PRKCZ: variants seen among roughly 807,000 people sequenced by gnomAD.
PRKCZ encodes the protein protein kinase C zeta.
In PRKCZ, 33 loss-of-function variants were observed where a neutral mutation model predicts 79.5. The observed-to-expected ratio is 0.41, with a 90% CI of 0.31 to 0.55. PRKCZ has a LOEUF of 0.55. Among genes scored for constraint, PRKCZ ranks in the 20% least tolerant of loss-of-function variants. The pLI is 0.19. For missense variants in PRKCZ, 578 were observed against 813.5 expected, an observed-to-expected ratio of 0.71 and a Z score of 3.52; for synonymous variants, 342 against 320.9, an observed-to-expected ratio of 1.07 and a Z score of -0.70.
chr1:2,051,237 C>T (rs1246346875), intron 1 of PRKCZ, among the ~76,000 whole-genome samples: 1 of 135,092 alleles, frequency 7.4e-6, no homozygotes, highest in Non-Finnish European at 1.5e-5. Context: ...CCGAGACTGA[C>T]CCTGGGGTTT....
intron 4 of PRKCZ, among the ~76,000 whole-genome samples, chr1:2,102,073 G>A (rs1334829794): frequency 6.6e-6 from 1 of 151,956 alleles, no homozygotes; most frequent in Non-Finnish European, 1.5e-5. Flanking sequence ...TCCTTTCCCC[G>A]GTCACCGCTC....
intron 16 of PRKCZ, chr1:2,184,341 C>T (rs540313359): frequency 3.1e-5 from 14 of 448,522 alleles, no homozygotes; most frequent in African/African-American, 1.0e-4. Flanking sequence ...GATCCTGCTC[C>T]GTCCCACATG....
At chr1:2,121,673 G>T (rs1284204249) in intron 4 of PRKCZ, among the ~76,000 whole-genome samples, 1 of 133,618 alleles carries the variant, frequency 7.5e-6, no homozygotes, top group African/African-American at 3.3e-5. Context: ...GGGTCGTGGT[G>T]GTGGTTAGGG....
chr1:2,165,664 C>T lies in PRKCZ; in HGVS notation c.975-3854C>T, dbSNP rs898612914. Among the ~76,000 whole-genome samples the T allele has an allele frequency of 1.3e-5, 2 of 152,338 alleles. No homozygotes were observed. The highest frequency in any genetic ancestry group is 3.9e-4 in the East Asian group (2 of 5,180). On this transcript the variant is annotated intron_variant, in intron 10 of 17. Coordinates refer to ENST00000378567, the MANE Select transcript of PRKCZ (RefSeq NM_002744.6). This position sits in a 1 kb window ranked among gnomAD's most constrained non-coding sequence, Gnocchi z 4.1. ...CAGCCTTAGACACTGCGTGAAGGGA[C>T]GCGTGTGGCCGTGTTCCACCAGAAC...
At chr1:2,182,429 G>C (rs1374853253) in intron 16 of PRKCZ, 2 of 155,426 alleles carry the variant, frequency 1.3e-5, no homozygotes, top group Non-Finnish European at 2.9e-5. Flanking sequence ...TCATGGGCAG[G>C]GTGCATCTGT....
intron 10 of PRKCZ, among the ~76,000 whole-genome samples, chr1:2,167,339 T>C (rs1683534804): frequency 6.6e-6 from 1 of 152,226 alleles, no homozygotes; most frequent in Non-Finnish European, 1.5e-5. Context: ...TATTGATGCT[T>C]TTCTCTAGAA....
chr1:2,104,280 A>G (rs945363524), intron 4 of PRKCZ, among the ~76,000 whole-genome samples: 2 of 152,136 alleles, frequency 1.3e-5, no homozygotes, highest in Non-Finnish European at 2.9e-5. Flanking sequence ...GTCGAACATC[A>G]AAAAGGGGGT....
At chr1:2,062,163 A>G (rs1274682589) in intron 4 of PRKCZ, among the ~76,000 whole-genome samples, 1 of 152,226 alleles carries the variant, frequency 6.6e-6, no homozygotes, top group African/African-American at 2.4e-5. Flanking sequence ...AGATTTTTAA[A>G]AAAATTCTAA....
chr1:2,114,221 G>A (rs1475830560), intron 4 of PRKCZ, among the ~76,000 whole-genome samples: 6 of 149,928 alleles, frequency 4.0e-5, no homozygotes, highest in African/African-American at 1.5e-4. Context: ...ATGCAGGGCA[G>A]GTTCGTCTTG....
chr1:2,051,411 G>A (rs1479341831), intron 1 of PRKCZ, among the ~76,000 whole-genome samples: 2 of 152,248 alleles, frequency 1.3e-5, no homozygotes, highest in African/African-American at 2.4e-5. Flanking sequence ...CAGCGGAGGG[G>A]TCGCTGCCCC....
intron 10 of PRKCZ, 29 bp downstream of exon 10, chr1:2,156,121 T>G: frequency 1.3e-6 from 2 of 1,569,814 alleles, no homozygotes; most frequent in Non-Finnish European, 1.8e-6. Context: ...TTTCTGATAT[T>G]CTGCAGATTT....
chr1:2,115,990 C>T (rs1258438493), intron 4 of PRKCZ, among the ~76,000 whole-genome samples: 2 of 152,214 alleles, frequency 1.3e-5, no homozygotes, highest in Non-Finnish European at 1.5e-5. Flanking sequence ...GGCTGTGGGA[C>T]GGAAAGTTCC....
chr1:2,160,038 AAAAT>A (rs1681902213), intron 10 of PRKCZ, among the ~76,000 whole-genome samples: 1 of 152,200 alleles, frequency 6.6e-6, no homozygotes, highest in South Asian at 2.1e-4. Flanking sequence ...TCGCTGTTCT[AAAAT>A]AAAATCTCTT....
chr1:2,104,024 G>A (rs992256646), intron 4 of PRKCZ, among the ~76,000 whole-genome samples: 1 of 152,196 alleles, frequency 6.6e-6, no homozygotes, highest in African/African-American at 2.4e-5. Flanking sequence ...GCACGCAGAC[G>A]GGAGGGAGCT....
chr1:2,138,736 A>G (rs1351652077), intron 5 of PRKCZ, among the ~76,000 whole-genome samples: 4 of 152,048 alleles, frequency 2.6e-5, no homozygotes, highest in Non-Finnish European at 5.9e-5. Flanking sequence ...GGAGTTCAAG[A>G]TCCATCTGGC....
chr1:2,055,665 A>T, intron 2 of PRKCZ, 103 bp downstream of exon 2: 1 of 1,460,720 alleles, frequency 6.8e-7, no homozygotes, highest in Non-Finnish European at 9.1e-7. Flanking sequence ...GGGGAGACTT[A>T]AAGCTGTGGA....
At position 2,185,211 on chromosome 1, in the gene PRKCZ, G is replaced by A. The variant is rs975030677; in HGVS notation, c.*202G>A. The A allele has an allele frequency of 1.7e-5, 12 of 706,838 alleles. No individual in the cohort carries two copies. The highest frequency in any genetic ancestry group is 2.9e-5 in the Non-Finnish European group (11 of 384,484). The allele number at this position is 706,838 out of a possible 1,614,324, so 43.8% of individuals were successfully genotyped here. On this transcript the variant is annotated 3_prime_UTR_variant, in exon 18 of 18. Transcript: ENST00000378567. Reference sequence around the variant, plus strand: ...ACCTGGGCCCGGGCAGGCCAGCTTCGTGCTGGAGGAACTTGCTGCTGTGCC... The same window carrying A: ...ACCTGGGCCCGGGCAGGCCAGCTTCATGCTGGAGGAACTTGCTGCTGTGCC...
intron 7 of PRKCZ, 108 bp downstream of exon 7, chr1:2,146,216 G>T: frequency 8.9e-7 from 1 of 1,127,942 alleles, no homozygotes; most frequent in East Asian, 2.5e-5. Flanking sequence ...CTCTGCAGGG[G>T]TCATTGTCTT....
At position 2,125,308 on chromosome 1, in the gene PRKCZ, C is replaced by G. The variant is rs1193343095; in HGVS notation, c.335-9954C>G. ...ACTATGAAAATACTGGTCAGCCTCTCAGTCATTTCATAAAATCTTGATTTT... is the reference window on the plus strand; with the variant it reads ...ACTATGAAAATACTGGTCAGCCTCTGAGTCATTTCATAAAATCTTGATTTT... On this transcript the variant is annotated intron_variant, in intron 4 of 17. Coordinates refer to ENST00000378567, the MANE Select transcript of PRKCZ (RefSeq NM_002744.6). This position sits in a 1 kb window ranked among gnomAD's most constrained non-coding sequence, Gnocchi z 4.2. Among the ~76,000 whole-genome samples the G allele has an allele frequency of 2.0e-5, 3 of 152,258 alleles. No individual in the cohort carries two copies. Among genetic ancestry groups the G allele is most frequent in the Non-Finnish European group, 4.4e-5 (3 of 68,050 alleles).
Sources: gnomAD v4.1 joint callset for allele counts (sites outside exome capture counted in the v4.1 genomes callset) on GRCh38, gnomAD v4.1.1 for gene constraint, Gnocchi (gnomAD v3.1) non-coding constraint, MANE v1.5 for transcripts, NCBI Gene and HGNC (gene_info 2026-07-23, HGNC 2026-07-21) for gene names.